Variants in CLIP2 observed in about 807,000 individuals in gnomAD.
CLIP2 encodes CAP-Gly domain-containing linker protein 2.
A neutral mutation model predicts 111.7 loss-of-function variants in CLIP2; 41 were observed. The ratio of observed to expected loss-of-function variants is 0.37; its 90% CI spans 0.29 to 0.48. The LOEUF (loss-of-function observed/expected upper bound fraction) is 0.48. CLIP2 is among the 20% of genes least tolerant of loss of function. The pLI is 0.99. For synonymous variants in CLIP2, 660 were observed against 644.2 expected, an observed-to-expected ratio of 1.02 and a Z score of -0.37; for missense variants, 1,160 against 1,422.1, an observed-to-expected ratio of 0.82 and a Z score of 2.96.
At chr7:74,370,598 C>T (rs1203345122) in intron 8 of CLIP2, among the ~76,000 whole-genome samples, 1 of 135,648 alleles carries the variant, frequency 7.4e-6, no homozygotes, top group Admixed American at 7.5e-5. Context: ...GCCCAACCCT[C>T]CCCCCCACCA....
chr7:74,364,460 G>C (rs1339714449), intron 8 of CLIP2, 145 bp downstream of exon 8: 4 of 682,724 alleles, frequency 5.9e-6, no homozygotes, highest in African/African-American at 5.4e-5. Flanking sequence ...TCAAAGGTCT[G>C]ATGTCTGAGG....
At chr7:74,314,281 A>C (rs1788713734) in intron 1 of CLIP2, among the ~76,000 whole-genome samples, 1 of 152,038 alleles carries the variant, frequency 6.6e-6, no homozygotes, top group Admixed American at 6.6e-5. Flanking sequence ...ACTTAAGGTC[A>C]GGCGTTCAAG....
At chr7:74,373,550 T>C (rs1340503762) in intron 9 of CLIP2, among the ~76,000 whole-genome samples, 1 of 152,080 alleles carries the variant, frequency 6.6e-6, no homozygotes, top group African/African-American at 2.4e-5. Context: ...GTGTTGCTTA[T>C]TGGGGTGGAG....
intron 1 of CLIP2, among the ~76,000 whole-genome samples, chr7:74,294,497 GAGCGACACCCGCTCCC>G (rs1306350491): frequency 6.6e-6 from 1 of 152,152 alleles, no homozygotes; most frequent in Non-Finnish European, 1.5e-5. Context: ...CCTGAGCCCT[GAGCGACACCCGCTCCC>G]GATTCATTTC....
chr7:74,390,998 G>A (rs997847394), intron 13 of CLIP2, among the ~76,000 whole-genome samples: 23 of 151,760 alleles, frequency 1.5e-4, no homozygotes, highest in Admixed American at 1.2e-3. Context: ...GCAGTGAGCC[G>A]AGATTGCGCC....
At chr7:74,358,490 T>C (rs1554309018) in intron 6 of CLIP2, among the ~76,000 whole-genome samples, 1 of 152,138 alleles carries the variant, frequency 6.6e-6, no homozygotes, top group Admixed American at 6.6e-5. Context: ...CCACTGCACT[T>C]GGCCTAATCT....
intron 15 of CLIP2, among the ~76,000 whole-genome samples, chr7:74,401,052 C>T (rs1179066668): frequency 1.4e-5 from 2 of 144,764 alleles, no homozygotes; most frequent in African/African-American, 2.6e-5. Context: ...ATCTCTGTCC[C>T]GGGAACCTTG....
rs572743285 is a variant in CLIP2 at position 74,384,050 on chromosome 7, G to A, written c.2480-2471G>A. Among the ~76,000 whole-genome samples the A allele has an allele frequency of 1.5e-4, 23 of 152,230 alleles. No homozygotes were observed. The East Asian group carries it at 3.3e-3, about 22-fold the overall frequency. On this transcript the variant is annotated intron_variant, in intron 11 of 16. Coordinates refer to ENST00000223398, the MANE Select transcript of CLIP2 (RefSeq NM_003388.5). Reference sequence around the variant, plus strand: ...CTAAAAATACAAAAATTAGCTGGGCGTGGTGGTGTGCGCCTGGAATCCCAG... The same window carrying A: ...CTAAAAATACAAAAATTAGCTGGGCATGGTGGTGTGCGCCTGGAATCCCAG...
chr7:74,393,218 G>A (rs1051687494), intron 13 of CLIP2, among the ~76,000 whole-genome samples: 1 of 151,558 alleles, frequency 6.6e-6, no homozygotes, highest in Non-Finnish European at 1.5e-5. Flanking sequence ...AGTAGGGACA[G>A]GGTTTCACTG....
chr7:74,385,957 G>A (rs1584383075), intron 11 of CLIP2, among the ~76,000 whole-genome samples: 1 of 151,294 alleles, frequency 6.6e-6, no homozygotes, highest in Non-Finnish European at 1.5e-5. Context: ...GGTCAGGCTG[G>A]TCTCGAACTC....
chr7:74,404,972 A>T lies in CLIP2; in HGVS notation c.*1124A>T, dbSNP rs1554318328. On this transcript the variant is annotated 3_prime_UTR_variant, in exon 17 of 17. Coordinates refer to ENST00000223398, the MANE Select transcript of CLIP2 (RefSeq NM_003388.5). ...TCCTACAGCCTAGAGGTGCGTATAC[A>T]CACCCAAGTACACGCAGCCAGGCAT... is the stretch of plus-strand genomic sequence containing the variant. 1 of 152,136 alleles carries T rather than the reference A, an allele frequency of 6.6e-6. No homozygotes were observed. The highest frequency in any genetic ancestry group is 1.9e-4 in the East Asian group (1 of 5,190). 9.4% of individuals were successfully genotyped at this position (152,136 alleles called of 1,614,324 possible).
intron 1 of CLIP2, among the ~76,000 whole-genome samples, chr7:74,297,531 G>A (rs1788206061): frequency 6.6e-6 from 1 of 152,074 alleles, no homozygotes; most frequent in Non-Finnish European, 1.5e-5. Context: ...CCCCCTTTGA[G>A]AGGAAGCCTC....
At chr7:74,336,348 G>A (rs1402755173) in intron 2 of CLIP2, among the ~76,000 whole-genome samples, 4 of 152,094 alleles carry the variant, frequency 2.6e-5, no homozygotes, top group East Asian at 1.9e-4. Context: ...GATTATAGGC[G>A]TGAGCCACCA....
intron 8 of CLIP2, chr7:74,364,787 C>G (rs1158336901): frequency 4.4e-6 from 2 of 449,516 alleles, no homozygotes; most frequent in Non-Finnish European, 8.9e-6. Context: ...CTTCAGGAAG[C>G]CAAGGCAGAG....
chr7:74,296,182 G>A (rs368045837), intron 1 of CLIP2, among the ~76,000 whole-genome samples: 1 of 151,970 alleles, frequency 6.6e-6, no homozygotes. Flanking sequence ...CCATCTACAC[G>A]CCAAGGAGAG....
chr7:74,295,881 C>T (rs1788151728), intron 1 of CLIP2, among the ~76,000 whole-genome samples: 1 of 145,374 alleles, frequency 6.9e-6, no homozygotes, highest in African/African-American at 2.5e-5. Flanking sequence ...CCCAGCTACT[C>T]TGGATGCTGA....
intron 1 of CLIP2, among the ~76,000 whole-genome samples, chr7:74,309,589 G>T (rs533009723): frequency 1.3e-5 from 2 of 152,054 alleles, no homozygotes; most frequent in South Asian, 4.2e-4. Flanking sequence ...CGGGCGTGGT[G>T]GCACACGCCT....
intron 1 of CLIP2, among the ~76,000 whole-genome samples, chr7:74,315,506 A>G (rs1554729019): frequency 6.6e-6 from 1 of 151,998 alleles, no homozygotes; most frequent in African/African-American, 2.4e-5. Flanking sequence ...TGGCCCCCCA[A>G]AGTGCTGGGA....
chr7:74,397,145 G>A lies in CLIP2; in HGVS notation c.2792G>A (p.Ser931Asn). 1.2e-6 allele frequency: 2 copies of A among 1,613,988 alleles called. No homozygotes were observed. The highest frequency in any genetic ancestry group is 8.5e-7 in the Non-Finnish European group (1 of 1,179,992). Residue 931 changes from serine (S) to asparagine (N), a missense_variant, in exon 14 of 17, where the codon AGC (serine) becomes AAC (asparagine). Ser to Asn is a conservative substitution (Grantham distance 46). This residue lies in a region of CLIP2 where 676 missense variants were observed against 777.8 expected (regional missense o/e 0.87). Coordinates refer to ENST00000223398, the MANE Select transcript of CLIP2 (RefSeq NM_003388.5). ...RHSPGPERDLSREVHKAEWRI... is the reference protein window; with the variant it reads ...RHSPGPERDLNREVHKAEWRI... The stretch of plus-strand genomic sequence containing the variant: ...TCCCCAGGGCCGGAGAGGGACCTGA[G>A]CCGTGAGGTACACAAGGCTGAGTGG...
Sources: gnomAD v4.1 joint callset for allele counts (sites outside exome capture counted in the v4.1 genomes callset) on GRCh38, gnomAD v4.1.1 for gene constraint, gnomAD v4.1.1 regional missense constraint, MANE v1.5 for transcripts, NCBI Gene and HGNC (gene_info 2026-07-23, HGNC 2026-07-21) for gene names.